The following PNPLA7 variants were observed in gnomAD, a reference collection of about 807,000 sequenced individuals.
PNPLA7 encodes patatin like domain 7, lysophospholipase, also known as patatin-like phospholipase domain-containing protein 7.
A neutral mutation model predicts 161.7 loss-of-function variants in PNPLA7; 153 were observed. That is an observed-to-expected ratio of 0.95 (90% CI 0.83 to 1.08). PNPLA7 has a LOEUF of 1.08. Ranked by LOEUF, PNPLA7 falls within the 50% of genes least tolerant of loss-of-function variation. PNPLA7 has a pLI of 0.00. For synonymous variants in PNPLA7, 809 were observed against 782.1 expected, an observed-to-expected ratio of 1.03 and a Z score of -0.57; for missense variants, 1,739 against 1,856.6, an observed-to-expected ratio of 0.94 and a Z score of 1.16.
chr9:137,516,477 T>C (rs1834577702), intron 11 of PNPLA7: 10 of 985,112 alleles, frequency 1.0e-5, no homozygotes, highest in African/African-American at 1.7e-5. Flanking sequence ...CCTAATCCAG[T>C]GAAAGAAATG....
At chr9:137,529,955 A>T (rs1431825541) in intron 8 of PNPLA7, among the ~76,000 whole-genome samples, 2 of 143,872 alleles carry the variant, frequency 1.4e-5, no homozygotes. Context: ...CACCGCGCCC[A>T]GCCTGAAGTT....
chr9:137,525,163 T>C (rs1262373217), intron 8 of PNPLA7, among the ~76,000 whole-genome samples: 2 of 152,118 alleles, frequency 1.3e-5, no homozygotes, highest in Non-Finnish European at 2.9e-5. Flanking sequence ...GGGAGGAAGC[T>C]AGACATCGAG....
chr9:137,520,177 C>T lies in PNPLA7; in HGVS notation c.958-134G>A. 3.1e-6 allele frequency: 4 copies of T among 1,310,996 alleles called. No homozygotes were observed. Among genetic ancestry groups the T allele is most frequent in the Non-Finnish European group, 4.2e-6 (4 of 955,040 alleles). The allele number at this position is 1,310,996 out of a possible 1,614,324, so 81.2% of individuals were successfully genotyped here. On this transcript the variant is annotated intron_variant, in intron 10 of 34. Coordinates refer to ENST00000406427, the MANE Select transcript of PNPLA7 (RefSeq NM_001098537.3). This position sits in a 1 kb window ranked among gnomAD's most constrained non-coding sequence, Gnocchi z 5.2. ...AGGTGTGGGCCCCTCAAAGGTGTGA[C>T]AGGTGTGGGACTCTCAAAGGTGTGA...
chr9:137,474,095 T>C (rs1033642829), intron 25 of PNPLA7, among the ~76,000 whole-genome samples: 4 of 151,980 alleles, frequency 2.6e-5, no homozygotes, highest in African/African-American at 4.8e-5. Context: ...AAAAATTAGC[T>C]GGGTGTGGTG....
chr9:137,492,249 T>G, intron 20 of PNPLA7: 1 of 985,264 alleles, frequency 1.0e-6, no homozygotes, highest in Non-Finnish European at 1.2e-6. Flanking sequence ...CTTTCCATGC[T>G]GAGCACAGGA....
chr9:137,516,133 C>T (rs1187142009), intron 11 of PNPLA7, among the ~76,000 whole-genome samples: 1 of 85,102 alleles, frequency 1.2e-5, no homozygotes, highest in Non-Finnish European at 2.2e-5. Flanking sequence ...TAACCCCCTG[C>T]CCCATTCCGA....
At chr9:137,502,936 G>T (rs951413362) in intron 14 of PNPLA7, among the ~76,000 whole-genome samples, 1 of 151,860 alleles carries the variant, frequency 6.6e-6, no homozygotes, top group Non-Finnish European at 1.5e-5. Flanking sequence ...CTTCAAGGGG[G>T]GGCACCCGAA....
chr9:137,523,565 CTTG>C lies in PNPLA7; in HGVS notation c.748-711_748-709del, dbSNP rs1425427949. Among the ~76,000 whole-genome samples, 1 of 151,850 alleles carries C rather than the reference CTTG, an allele frequency of 6.6e-6. No homozygotes were observed. The highest frequency in any genetic ancestry group is 6.6e-5 in the Admixed American group (1 of 15,254). On this transcript the variant is annotated intron_variant, in intron 8 of 34. Coordinates refer to ENST00000406427, the MANE Select transcript of PNPLA7 (RefSeq NM_001098537.3). The surrounding 1 kb of genome is among the most constrained non-coding windows in gnomAD (Gnocchi z 4.4). Reference sequence around the variant, plus strand: ...GCATGCAGGCAGATTCTTCTGGAAACTTGTTGGCTCTAGAGACGAAAGGCTGTT... The same window carrying C: ...GCATGCAGGCAGATTCTTCTGGAAACTTGGCTCTAGAGACGAAAGGCTGTT...
chr9:137,491,226 T>C (rs1174423305), intron 20 of PNPLA7, among the ~76,000 whole-genome samples: 3 of 152,150 alleles, frequency 2.0e-5, no homozygotes, highest in Non-Finnish European at 4.4e-5. Flanking sequence ...CACTTGTGAC[T>C]AGCCACTGCA....
At position 137,460,233 on chromosome 9, in the gene PNPLA7, A is replaced by C. The variant is rs1189830782; in HGVS notation, c.*160T>G. 20 of 634,876 alleles carry C rather than the reference A, an allele frequency of 3.2e-5. No homozygotes were observed. The highest frequency in any genetic ancestry group is 5.1e-5 in the Non-Finnish European group (19 of 370,076). 39.3% of individuals were successfully genotyped at this position (634,876 alleles called of 1,614,324 possible). ...GGGCCCTGTATGCAGGGCTGCTGGT[A>C]CAAAGAAGAGGCCCAGAGAACCCTA... On this transcript the variant is annotated 3_prime_UTR_variant, in exon 35 of 35. Coordinates refer to ENST00000406427, the MANE Select transcript of PNPLA7 (RefSeq NM_001098537.3).
In PNPLA7 at chr9:137,467,707, G is replaced by C. The variant is rs1448316418; in HGVS notation, c.2883-234C>G. ...GAGGCCAGGAGTTCGAGACCAGCCT[G>C]GCCAACAGGGCAAAATTCCATCTCT... On this transcript the variant is annotated intron_variant, in intron 25 of 34. Transcript: ENST00000406427. This position sits in a 1 kb window ranked among gnomAD's most constrained non-coding sequence, Gnocchi z 5.1. Among the ~76,000 whole-genome samples the C allele has an allele frequency of 1.3e-5, 2 of 152,200 alleles. No individual in the cohort carries two copies. Among genetic ancestry groups the C allele is most frequent in the Non-Finnish European group, 2.9e-5 (2 of 68,036 alleles).
Position 137,501,726 on chromosome 9 carries a change from T to C in PNPLA7, c.1475A>G (p.Asp492Gly). Residue 492 changes from aspartate (D) to glycine (G), a missense_variant and splice_region_variant, in exon 15 of 35, where the codon GAC becomes GGC. Transcript: ENST00000406427. ...CACCCGGCCATCCAACAGAGATGAG[T>C]CCTAAAAACAGAGCAGACTTCAGGG... ...KDLLTLMKLE[D>G]SSLLDGRVAL... 6.2e-7 allele frequency: 1 copy of C among 1,611,468 alleles called. No homozygotes were observed. Among genetic ancestry groups the C allele is most frequent in the Non-Finnish European group, 8.5e-7 (1 of 1,179,636 alleles).
At chr9:137,498,329 GA>G in intron 16 of PNPLA7, 84 bp from the exon 17 acceptor site, 1 of 1,560,946 alleles carries the variant, frequency 6.4e-7, no homozygotes, top group Non-Finnish European at 8.7e-7. Flanking sequence ...GAATGGATGG[GA>G]CCCACAACCC....
At chr9:137,525,108 T>C (rs774978254) in intron 8 of PNPLA7, among the ~76,000 whole-genome samples, 1 of 152,120 alleles carries the variant, frequency 6.6e-6, no homozygotes, top group Non-Finnish European at 1.5e-5. Context: ...ACCAAGCATG[T>C]GACTAGATCC....
rs1010069159 is a variant in PNPLA7 at position 137,523,583 on chromosome 9, G to C, written c.748-726C>G. Among the ~76,000 whole-genome samples, 3 of 152,106 alleles carry C rather than the reference G, an allele frequency of 2.0e-5. No individual in the cohort carries two copies. Among genetic ancestry groups the C allele is most frequent in the African/African-American group, 4.8e-5 (2 of 41,500 alleles). On this transcript the variant is annotated intron_variant, in intron 8 of 34. Coordinates refer to ENST00000406427, the MANE Select transcript of PNPLA7 (RefSeq NM_001098537.3). The surrounding 1 kb of genome is among the most constrained non-coding windows in gnomAD (Gnocchi z 4.4). ...CTGGAAACTTGTTGGCTCTAGAGACGAAAGGCTGTTGTTTACACCATGCCG... is the reference window on the plus strand; with the variant it reads ...CTGGAAACTTGTTGGCTCTAGAGACCAAAGGCTGTTGTTTACACCATGCCG...
At chr9:137,525,668 C>G (rs547125124) in intron 8 of PNPLA7, among the ~76,000 whole-genome samples, 7 of 150,664 alleles carry the variant, frequency 4.6e-5, no homozygotes, top group African/African-American at 1.7e-4. Context: ...GGGCGTAACA[C>G]GAAAGTGGAC....
At chr9:137,483,058 G>T (rs1203167130) in intron 21 of PNPLA7, among the ~76,000 whole-genome samples, 1 of 152,160 alleles carries the variant, frequency 6.6e-6, no homozygotes, top group Non-Finnish European at 1.5e-5. Flanking sequence ...TTTTTAGTGA[G>T]ACGGGGTTTC....
intron 8 of PNPLA7, among the ~76,000 whole-genome samples, chr9:137,526,083 A>T (rs1488417016): frequency 6.6e-6 from 1 of 151,808 alleles, no homozygotes; most frequent in African/African-American, 2.4e-5. Flanking sequence ...CATCATATCT[A>T]TATTCTAGTT....
intron 1 of PNPLA7, among the ~76,000 whole-genome samples, chr9:137,549,438 T>C (rs534662152): frequency 2.6e-4 from 39 of 149,778 alleles, no homozygotes; most frequent in East Asian, 5.9e-4. Flanking sequence ...GGCGTGGTGG[T>C]GGGCGCCTGT....
Sources: gnomAD v4.1 joint callset for allele counts (sites outside exome capture counted in the v4.1 genomes callset) on GRCh38, gnomAD v4.1.1 for gene constraint, Gnocchi (gnomAD v3.1) non-coding constraint, MANE v1.5 for transcripts, NCBI Gene and HGNC (gene_info 2026-07-23, HGNC 2026-07-21) for gene names.